MYRF: variants seen among roughly 807,000 people sequenced by gnomAD.
MYRF encodes myelin gene regulatory factor.
In MYRF, 16 loss-of-function variants were observed where a neutral mutation model predicts 126.3. The observed-to-expected ratio is 0.13, with a 90% confidence interval of 0.09 to 0.19. The LOEUF (loss-of-function observed/expected upper bound fraction) is 0.19, where lower values mean the gene tolerates loss of function less well. Ranked by LOEUF, MYRF falls within the 10% of genes least tolerant of loss-of-function variation. The probability of loss-of-function intolerance (pLI) is 1.00; values close to 1 mark genes in which losing one functional copy is unlikely to be tolerated. For missense variants in MYRF, 1,104 were observed against 1,547.0 expected, an observed-to-expected ratio of 0.71 and a Z score of 4.80; for synonymous variants, 608 against 635.3, an observed-to-expected ratio of 0.96 and a Z score of 0.65.
chr11:61,784,083 T>C, intron 24 of MYRF, 158 bp downstream of exon 24: 1 of 1,035,622 alleles, frequency 9.7e-7, no homozygotes, highest in Non-Finnish European at 1.4e-6. Context: ...CGTGGTTAAC[T>C]GGCTAAATGA....
rs1039792855 is a variant in MYRF at position 61,757,294 on chromosome 11, T to A, written c.46+4504T>A. 1.8e-5 allele frequency: 8 copies of A among 456,490 alleles called. No homozygotes were observed. Among genetic ancestry groups the A allele is most frequent in the African/African-American group, 1.4e-4 (7 of 50,064 alleles). 28.3% of individuals were successfully genotyped at this position (456,490 alleles called of 1,614,324 possible). A position where few individuals can be genotyped will look rare whatever the true frequency, so the allele number is the denominator to read the frequency against. On this transcript the variant is annotated intron_variant, in intron 1 of 26. Coordinates refer to ENST00000278836, the MANE Select transcript of MYRF (RefSeq NM_001127392.3). The surrounding 1 kb of genome is among the most constrained non-coding windows in gnomAD (Gnocchi z 4.7). ...AGCGAGGGCAGCTGGGGTCTGTTCC[T>A]AGCTCTCCTGCTTACCCACAGTGCT... is the stretch of plus-strand genomic sequence containing the variant.
intron 1 of MYRF, among the ~76,000 whole-genome samples, chr11:61,761,955 C>T (rs1215425910): frequency 6.6e-6 from 1 of 152,222 alleles, no homozygotes; most frequent in African/African-American, 2.4e-5. Context: ...TCATCCTGCC[C>T]AGCGGGGTGT....
At chr11:61,758,907 C>A (rs1049982976) in intron 1 of MYRF, among the ~76,000 whole-genome samples, 31 of 152,348 alleles carry the variant, frequency 2.0e-4, no homozygotes, top group African/African-American at 7.5e-4. Context: ...CGGATGAACG[C>A]TGGTGTGCGC....
intron 1 of MYRF, among the ~76,000 whole-genome samples, chr11:61,756,755 C>T (rs1367366708): frequency 3.3e-5 from 5 of 152,054 alleles, no homozygotes; most frequent in African/African-American, 1.2e-4. Context: ...GGGTGAGAAA[C>T]AGGCAGTTAC....
intron 1 of MYRF, among the ~76,000 whole-genome samples, chr11:61,753,782 C>T (rs1004805311): frequency 4.6e-5 from 7 of 152,158 alleles, no homozygotes; most frequent in African/African-American, 1.2e-4. Flanking sequence ...TTTTCCTGGA[C>T]GACCCCTGCC....
Position 61,783,409 on chromosome 11 carries a change from G to A in MYRF, c.3017-89G>A. ...TAACCTGGAACTTATTCATACTAAG[G>A]TGTGAGTGACTGCTTCAAGTCTGGC... On this transcript the variant is annotated intron_variant, in intron 22 of 26. Coordinates refer to ENST00000278836, the MANE Select transcript of MYRF (RefSeq NM_001127392.3). This position sits in a 1 kb window ranked among gnomAD's most constrained non-coding sequence, Gnocchi z 4.6. The A allele has an allele frequency of 4.2e-6, 4 of 961,590 alleles. No individual in the cohort carries two copies. Among genetic ancestry groups the A allele is most frequent in the Non-Finnish European group, 5.0e-6 (3 of 605,584 alleles). 59.6% of individuals were successfully genotyped at this position (961,590 alleles called of 1,614,324 possible).
chr11:61,770,631 C>T (rs1335131736), intron 5 of MYRF, 106 bp downstream of exon 5: 9 of 1,135,320 alleles, frequency 7.9e-6, no homozygotes, highest in Middle Eastern at 2.2e-4. Context: ...CCGGGATGCA[C>T]CCAGGGAGGG....
At chr11:61,775,995 A>G in intron 8 of MYRF, 61 bp from the exon 9 acceptor site, 1 of 1,520,920 alleles carries the variant, frequency 6.6e-7, no homozygotes, top group South Asian at 1.1e-5. Flanking sequence ...GAGAGGGGGC[A>G]GGAGGGCAGG....
At chr11:61,779,452 AC>A (rs918379763) in intron 15 of MYRF, 29 bp downstream of exon 15, 112 of 1,547,636 alleles carry the variant, frequency 7.2e-5, no homozygotes, top group Non-Finnish European at 9.2e-5. Flanking sequence ...GGAAGGTGAG[AC>A]CCTTCTTCCC....
intron 18 of MYRF, 109 bp downstream of exon 18, chr11:61,780,399 C>T: frequency 1.0e-6 from 1 of 982,096 alleles, no homozygotes; most frequent in Non-Finnish European, 1.5e-6. Flanking sequence ...TCATCCTTAG[C>T]CTCTTAGCCT....
At position 61,770,325 on chromosome 11, in the gene MYRF, A is replaced by G. The variant is rs1304124237; in HGVS notation, c.540A>G (p.Pro180=). The G allele has an allele frequency of 2.0e-6, 3 of 1,512,974 alleles. No individual in the cohort carries two copies. The South Asian group carries it at 3.8e-5, about 19-fold the overall frequency. 93.7% of individuals were successfully genotyped at this position (1,512,974 alleles called of 1,614,324 possible). The change falls in exon 5 of 27, where the codon CCA becomes CCG. Residue 180 remains proline (P), a synonymous_variant. Coordinates refer to ENST00000278836, the MANE Select transcript of MYRF (RefSeq NM_001127392.3). ...CCTCCCGCCTGGAGCATCCGCCCCC[A>G]CCTCCAGCCCACTTGCCAGGCCCCC... is the stretch of plus-strand genomic sequence containing the variant. ...GVPSRLEHPP[P]PPAHLPGPPP...
chr11:61,756,479 T>G (rs2065759805), intron 1 of MYRF, among the ~76,000 whole-genome samples: 2 of 151,968 alleles, frequency 1.3e-5, no homozygotes, highest in African/African-American at 4.8e-5. Flanking sequence ...AGCCTGTCTC[T>G]GTCTGTCCCT....
In MYRF at chr11:61,781,585, T is replaced by A; in HGVS notation, c.2777T>A (p.Met926Lys). ...GTTCTATCCACAGGCCCCAGCCAGA[T>A]GGCCCTTCTGCCAGTCACCAACATC... ...PSTNRSGPSQ[M>K]ALLPVTNIRA... The change falls in exon 22 of 27, where the codon ATG becomes AAG. Residue 926 changes from methionine (M) to lysine (K), a missense_variant. Coordinates refer to ENST00000278836, the MANE Select transcript of MYRF (RefSeq NM_001127392.3). The A allele has an allele frequency of 6.2e-7, 1 of 1,613,678 alleles. No individual in the cohort carries two copies. Among genetic ancestry groups the A allele is most frequent in the Non-Finnish European group, 8.5e-7 (1 of 1,179,938 alleles).
intron 4 of MYRF, among the ~76,000 whole-genome samples, chr11:61,769,526 C>T (rs938931145): frequency 8.5e-5 from 13 of 152,208 alleles, no homozygotes; most frequent in African/African-American, 2.7e-4. Context: ...CAAGTATCCC[C>T]GCGGTGATGC....
intron 1 of MYRF, among the ~76,000 whole-genome samples, chr11:61,763,255 G>A (rs910191071): frequency 6.6e-6 from 1 of 152,276 alleles, no homozygotes; most frequent in Non-Finnish European, 1.5e-5. Flanking sequence ...TGTTGCCTTG[G>A]GTAAGAGACT....
intron 3 of MYRF, chr11:61,767,099 G>T: frequency 2.2e-6 from 1 of 456,640 alleles, no homozygotes; most frequent in South Asian, 1.5e-5. Flanking sequence ...TGGGTGCATG[G>T]TGGCCATGGA....
At chr11:61,773,865 G>C (rs1459445800) in intron 7 of MYRF, 102 bp from the exon 8 acceptor site, 4 of 916,576 alleles carry the variant, frequency 4.4e-6, no homozygotes, top group East Asian at 2.6e-5. Context: ...GGATGCAGGG[G>C]TGTGGTGTGG....
At chr11:61,780,628 C>T in intron 18 of MYRF, 84 bp from the exon 19 acceptor site, 25 of 1,375,860 alleles carry the variant, frequency 1.8e-5, no homozygotes, top group Non-Finnish European at 2.5e-5. Flanking sequence ...CTGTCACCCC[C>T]AGCTCCTGGG....
In MYRF at chr11:61,785,798, AG is replaced by A; in HGVS notation, c.3302del. The A allele has an allele frequency of 6.2e-7, 1 of 1,613,922 alleles. No homozygotes were observed. The highest frequency in any genetic ancestry group is 2.2e-5 in the East Asian group (1 of 44,880). The stretch of plus-strand genomic sequence containing the variant: ...CCTGACCCCTCTCTCCCTTCTCTCC[AG>A]GGCACCTCTCACCGGTGGCCAATAA... On this transcript the variant is annotated splice_acceptor_variant, in intron 25 of 26. Coordinates refer to ENST00000278836, the MANE Select transcript of MYRF (RefSeq NM_001127392.3). LOFTEE classifies it high-confidence loss of function.
Sources: allele counts gnomAD v4.1 joint callset (sites outside exome capture counted in the v4.1 genomes callset), GRCh38; gene constraint gnomAD v4.1.1; non-coding constraint Gnocchi (gnomAD v3.1); transcripts MANE v1.5; gene names NCBI Gene and HGNC (gene_info 2026-07-23, HGNC 2026-07-21).